Variants in GTF2F2 observed in about 807,000 individuals in gnomAD.
GTF2F2 encodes the protein ATP-dependent helicase GTF2F2.
In GTF2F2, 23 loss-of-function variants were observed where a neutral mutation model predicts 42.2. That is an observed-to-expected ratio of 0.55 (90% confidence interval 0.39 to 0.77). The LOEUF (loss-of-function observed/expected upper bound fraction) is 0.77, where lower values mean the gene tolerates loss of function less well. Among genes scored for constraint, GTF2F2 ranks in the 30% least tolerant of loss-of-function variants. The pLI is 0.00. For synonymous variants in GTF2F2, 105 were observed against 100.8 expected (o/e 1.04, Z -0.25); for missense variants, 261 against 287.2 (o/e 0.91, Z 0.66).
chr13:45,223,277 A>G (rs1339042742), intron 5 of GTF2F2, among the ~76,000 whole-genome samples: 1 of 151,590 alleles, frequency 6.6e-6, no homozygotes, highest in Non-Finnish European at 1.5e-5. Context: ...AAAAAAAAAA[A>G]AAAAAAAAAG....
chr13:45,155,874 G>T (rs1870734146), intron 4 of GTF2F2, among the ~76,000 whole-genome samples: 1 of 151,934 alleles, frequency 6.6e-6, no homozygotes, highest in African/African-American at 2.4e-5. Context: ...CTTCAGTTTA[G>T]TATTTGTATT....
At chr13:45,173,050 A>C (rs1871674416) in intron 4 of GTF2F2, among the ~76,000 whole-genome samples, 1 of 152,198 alleles carries the variant, frequency 6.6e-6, no homozygotes, top group Non-Finnish European at 1.5e-5. Flanking sequence ...ATCAATTTGA[A>C]GAGTATTGCC....
At chr13:45,177,867 A>G (rs1194971760) in intron 4 of GTF2F2, among the ~76,000 whole-genome samples, 2 of 152,206 alleles carry the variant, frequency 1.3e-5, no homozygotes. Flanking sequence ...TTTATTGCTG[A>G]AAGAGTCCAC....
intron 5 of GTF2F2, among the ~76,000 whole-genome samples, chr13:45,243,390 A>C (rs961705179): frequency 6.6e-6 from 1 of 152,048 alleles, no homozygotes; most frequent in Non-Finnish European, 1.5e-5. Flanking sequence ...GTAAACTGCA[A>C]CTCCGAGAGA....
chr13:45,248,635 G>T (rs1004961892), intron 5 of GTF2F2, among the ~76,000 whole-genome samples: 1 of 151,800 alleles, frequency 6.6e-6, no homozygotes, highest in African/African-American at 2.4e-5. Context: ...CACCATGCCC[G>T]GCTGATTTTT....
At chr13:45,184,559 C>T (rs1326346273) in intron 4 of GTF2F2, among the ~76,000 whole-genome samples, 1 of 151,884 alleles carries the variant, frequency 6.6e-6, no homozygotes, top group East Asian at 1.9e-4. Context: ...AGCCTTTTTT[C>T]CCTTTAATTG....
intron 1 of GTF2F2, among the ~76,000 whole-genome samples, chr13:45,122,371 C>G (rs1868688557): frequency 6.6e-6 from 1 of 152,104 alleles, no homozygotes; most frequent in South Asian, 2.1e-4. Context: ...CATGGTGGCT[C>G]ACGCCTGTAA....
At chr13:45,129,641 A>G (rs779279977) in intron 1 of GTF2F2, among the ~76,000 whole-genome samples, 2 of 152,240 alleles carry the variant, frequency 1.3e-5, no homozygotes, top group African/African-American at 2.4e-5. Context: ...TGTTTCTTCA[A>G]TATCCACTCA....
At chr13:45,226,153 G>C (rs1566141581) in intron 5 of GTF2F2, among the ~76,000 whole-genome samples, 1 of 152,072 alleles carries the variant, frequency 6.6e-6, no homozygotes, top group Non-Finnish European at 1.5e-5. Context: ...GGGTGGGTAG[G>C]GGAGACTTAT....
chr13:45,255,166 CAAAAAAAAAAA>C (rs55795620), intron 6 of GTF2F2, among the ~76,000 whole-genome samples: 44 of 76,094 alleles, frequency 5.8e-4, no homozygotes, highest in African/African-American at 1.2e-3. Context: ...GACTTTGTCT[CAAAAAAAAAAA>C]AAAAAAAAAA....
At chr13:45,143,903 C>T (rs760779734) in intron 2 of GTF2F2, among the ~76,000 whole-genome samples, 2 of 152,058 alleles carry the variant, frequency 1.3e-5, no homozygotes, top group Non-Finnish European at 2.9e-5. Flanking sequence ...ACCAATGTAC[C>T]TGGATTATTT....
intron 4 of GTF2F2, among the ~76,000 whole-genome samples, chr13:45,191,499 A>G (rs1439864263): frequency 6.6e-6 from 1 of 151,834 alleles, no homozygotes; most frequent in Non-Finnish European, 1.5e-5. Context: ...ACTCTGACTT[A>G]TAAGTGACAT....
intron 5 of GTF2F2, among the ~76,000 whole-genome samples, chr13:45,216,330 T>G (rs1220094139): frequency 6.6e-6 from 1 of 151,838 alleles, no homozygotes; most frequent in Non-Finnish European, 1.5e-5. Context: ...ATAGGGGGAG[T>G]GAAGGAGTTT....
intron 5 of GTF2F2, among the ~76,000 whole-genome samples, chr13:45,223,541 A>G (rs1874206964): frequency 6.6e-6 from 1 of 152,182 alleles, no homozygotes; most frequent in African/African-American, 2.4e-5. Flanking sequence ...GTTTTATTGT[A>G]GTTCATTAAA....
At chr13:45,189,622 G>T (rs929842840) in intron 4 of GTF2F2, among the ~76,000 whole-genome samples, 3 of 152,204 alleles carry the variant, frequency 2.0e-5, no homozygotes, top group Admixed American at 1.3e-4. Context: ...GTGTCTCATT[G>T]TGGTTTTGAT....
chr13:45,168,906 TCC>T (rs1871449647), intron 4 of GTF2F2, among the ~76,000 whole-genome samples: 1 of 87,262 alleles, frequency 1.1e-5, no homozygotes, highest in African/African-American at 5.1e-5. Flanking sequence ...CCTCCCTCCC[TCC>T]TCCTTCCTTC....
intron 4 of GTF2F2, among the ~76,000 whole-genome samples, chr13:45,181,125 C>A (rs750150501): frequency 1.3e-5 from 2 of 149,930 alleles, no homozygotes; most frequent in African/African-American, 2.5e-5. Context: ...CAAGATCACA[C>A]CACTACACTC....
At chr13:45,206,194 C>T (rs1593490791) in intron 4 of GTF2F2, among the ~76,000 whole-genome samples, 2 of 152,016 alleles carry the variant, frequency 1.3e-5, no homozygotes, top group East Asian at 3.9e-4. Flanking sequence ...ATTAAGGGAC[C>T]CTGGATACAT....
chr13:45,207,459 G>C lies in GTF2F2; in HGVS notation c.340G>C (p.Ala114Pro). 6.2e-7 allele frequency: 1 copy of C among 1,611,852 alleles called. No homozygotes were observed. Among genetic ancestry groups the C allele is most frequent in the Non-Finnish European group, 8.5e-7 (1 of 1,178,030 alleles). ...LSLEGIVVQRAECRPAASENY... is the reference protein window; with the variant it reads ...LSLEGIVVQRPECRPAASENY... The stretch of plus-strand genomic sequence containing the variant: ...ATTGGAAGGAATAGTGGTACAAAGA[G>C]CTGAATGCCGACCAGCTGCCAGTGA... Residue 114 changes from alanine (A) to proline (P), a missense_variant, in exon 5 of 8, where the codon GCT (alanine) becomes CCT (proline). Ala to Pro is a conservative substitution (Grantham distance 27, BLOSUM62 -1). Coordinates refer to ENST00000340473, the MANE Select transcript of GTF2F2 (RefSeq NM_004128.3).
Sources: gnomAD v4.1 joint callset for allele counts (sites outside exome capture counted in the v4.1 genomes callset) on GRCh38, gnomAD v4.1.1 for gene constraint, MANE v1.5 for transcripts, NCBI Gene and HGNC (gene_info 2026-07-23, HGNC 2026-07-21) for gene names.